The following ZNF277 variants were observed in gnomAD, a reference collection of about 807,000 sequenced individuals.
ZNF277 encodes the protein nuclear receptor-interacting factor 4.
In ZNF277, 55 loss-of-function variants were observed where a neutral mutation model predicts 60.7. That is an observed-to-expected ratio of 0.91 (90% confidence interval 0.73 to 1.13). The LOEUF is 1.13. Among genes scored for constraint, ZNF277 ranks in the 50% most tolerant of loss-of-function variants. The probability of loss-of-function intolerance (pLI) is 0.00; values close to 1 mark genes in which losing one functional copy is unlikely to be tolerated. For synonymous variants in ZNF277, 178 were observed against 179.3 expected, an observed-to-expected ratio of 0.99 and a Z score of 0.06; for missense variants, 510 against 523.0, an observed-to-expected ratio of 0.98 and a Z score of 0.24.
intron 4 of ZNF277, among the ~76,000 whole-genome samples, chr7:112,315,232 T>C (rs1370980301): frequency 2.0e-5 from 3 of 152,118 alleles, no homozygotes; most frequent in Non-Finnish European, 1.5e-5. Context: ...CCAAACATAT[T>C]TGAGTTAATT....
chr7:112,324,345 T>A (rs1424672022), intron 5 of ZNF277, among the ~76,000 whole-genome samples: 1 of 152,158 alleles, frequency 6.6e-6, no homozygotes, highest in Non-Finnish European at 1.5e-5. Flanking sequence ...GTACAGTTAG[T>A]TCATTAATAA....
At chr7:112,313,424 AGGC>A in intron 4 of ZNF277, among the ~76,000 whole-genome samples, 1 of 152,014 alleles carries the variant, frequency 6.6e-6, no homozygotes, top group Admixed American at 6.6e-5. Context: ...GCTGGACTAC[AGGC>A]ACGCACCACC....
At position 112,296,022 on chromosome 7, in the gene ZNF277, T is replaced by C. The variant is rs1792318139; in HGVS notation, c.382+65T>C. The C allele has an allele frequency of 2.4e-6, 3 of 1,231,350 alleles. No individual in the cohort carries two copies. In the Admixed American group the frequency reaches 5.6e-5, roughly 23 times the overall value. 76.3% of individuals were successfully genotyped at this position (1,231,350 alleles called of 1,614,324 possible). A position where few individuals can be genotyped will look rare whatever the true frequency, so the allele number is the denominator to read the frequency against. ...TAAAAATTCAAAGGAATAATCTTAC[T>C]GTCTTATATTAGAATTACTTTTACT... On this transcript the variant is annotated intron_variant, in intron 3 of 11. Transcript: ENST00000361822.
intron 2 of ZNF277, among the ~76,000 whole-genome samples, chr7:112,292,625 A>C (rs991724894): frequency 1.3e-5 from 2 of 152,132 alleles, no homozygotes; most frequent in Non-Finnish European, 2.9e-5. Flanking sequence ...TCGTCCCCAC[A>C]TGACACTAGA....
At chr7:112,312,539 G>GTATCTGCAAC (rs1477256559) in intron 4 of ZNF277, among the ~76,000 whole-genome samples, 3 of 151,916 alleles carry the variant, frequency 2.0e-5, no homozygotes, top group African/African-American at 7.3e-5. Flanking sequence ...AAGCATCATC[G>GTATCTGCAAC]TATCTGCAAC....
At chr7:112,334,987 C>A (rs1459477233) in intron 7 of ZNF277, among the ~76,000 whole-genome samples, 1 of 152,090 alleles carries the variant, frequency 6.6e-6, no homozygotes, top group Non-Finnish European at 1.5e-5. Flanking sequence ...TGATAGATCT[C>A]TGTATATCTA....
intron 1 of ZNF277, among the ~76,000 whole-genome samples, chr7:112,214,038 A>G (rs1310988641): frequency 6.6e-6 from 1 of 152,208 alleles, no homozygotes; most frequent in Non-Finnish European, 1.5e-5. Flanking sequence ...TGGTTTTAAT[A>G]TGTCTTCTGC....
chr7:112,222,000 A>G (rs774469313), intron 1 of ZNF277, among the ~76,000 whole-genome samples: 1 of 152,228 alleles, frequency 6.6e-6, no homozygotes, highest in Non-Finnish European at 1.5e-5. Context: ...TCACATTTAT[A>G]GAGTCATGTA....
At chr7:112,341,721 C>T (rs1793449071) in intron 11 of ZNF277, among the ~76,000 whole-genome samples, 1 of 152,210 alleles carries the variant, frequency 6.6e-6, no homozygotes, top group Non-Finnish European at 1.5e-5. Flanking sequence ...CTGGTTCTCA[C>T]ATCGTTCTGG....
chr7:112,215,048 A>C (rs1260676763), intron 1 of ZNF277, among the ~76,000 whole-genome samples: 2 of 152,192 alleles, frequency 1.3e-5, no homozygotes, highest in Non-Finnish European at 2.9e-5. Flanking sequence ...CACTATGAAA[A>C]TATAGGGACA....
chr7:112,270,034 G>A (rs1427771482), intron 1 of ZNF277, among the ~76,000 whole-genome samples: 1 of 152,058 alleles, frequency 6.6e-6, no homozygotes, highest in Admixed American at 6.6e-5. Context: ...TTTGTAACCA[G>A]AGCAATCCTA....
intron 1 of ZNF277, among the ~76,000 whole-genome samples, chr7:112,228,454 CTTTTTTTTTTTTT>C (rs71150013): frequency 1.4e-4 from 5 of 36,378 alleles, no homozygotes; most frequent in Admixed American, 5.3e-4. Flanking sequence ...GAGGAGAGGC[CTTTTTTTTTTTTT>C]TTTTTTTTTT....
At chr7:112,250,353 T>C (rs1247227635) in intron 1 of ZNF277, among the ~76,000 whole-genome samples, 1 of 152,184 alleles carries the variant, frequency 6.6e-6, no homozygotes. Context: ...ATTAGCAATT[T>C]TAATTTAGCC....
chr7:112,219,092 C>T (rs926745385), intron 1 of ZNF277, among the ~76,000 whole-genome samples: 2 of 152,172 alleles, frequency 1.3e-5, no homozygotes, highest in Non-Finnish European at 2.9e-5. Flanking sequence ...CAACAGTGTA[C>T]AGAGTTGCCT....
intron 4 of ZNF277, among the ~76,000 whole-genome samples, chr7:112,309,620 T>C (rs556692369): frequency 6.6e-6 from 1 of 151,940 alleles, no homozygotes; most frequent in East Asian, 2.0e-4. Context: ...ATGATGCATA[T>C]ACTTATTATA....
intron 1 of ZNF277, among the ~76,000 whole-genome samples, chr7:112,259,365 CACCT>C: frequency 6.6e-6 from 1 of 152,248 alleles, no homozygotes; most frequent in African/African-American, 2.4e-5. Context: ...TTAAAACACT[CACCT>C]AACTAATTAG....
intron 7 of ZNF277, among the ~76,000 whole-genome samples, chr7:112,333,674 A>C (rs957423760): frequency 2.0e-5 from 3 of 152,204 alleles, no homozygotes; most frequent in African/African-American, 7.2e-5. Context: ...CAGCAAATTG[A>C]CAAGTTCCAT....
chr7:112,333,163 AAGAT>A (rs1793260495), intron 7 of ZNF277, among the ~76,000 whole-genome samples: 1 of 152,122 alleles, frequency 6.6e-6, no homozygotes, highest in Non-Finnish European at 1.5e-5. Flanking sequence ...AAAAAAAAAA[AAGAT>A]AGATATTCCC....
intron 1 of ZNF277, among the ~76,000 whole-genome samples, chr7:112,257,529 T>G (rs1205111419): frequency 6.6e-6 from 1 of 152,152 alleles, no homozygotes; most frequent in Non-Finnish European, 1.5e-5. Context: ...GAAAATAAGA[T>G]TAGATAATGT....
Sources: allele counts gnomAD v4.1 joint callset (sites outside exome capture counted in the v4.1 genomes callset), GRCh38; gene constraint gnomAD v4.1.1; transcripts MANE v1.5; gene names NCBI Gene and HGNC (gene_info 2026-07-23, HGNC 2026-07-21).